Variants in CDC25C observed in about 807,000 individuals in gnomAD.
CDC25C encodes the protein M-phase inducer phosphatase 3.
Under a neutral mutation model 52.5 loss-of-function variants are expected in CDC25C, and 48 were observed. That is an observed-to-expected ratio of 0.91 (90% CI 0.72 to 1.16). The LOEUF is 1.16. Among genes scored for constraint, CDC25C ranks in the 50% most tolerant of loss-of-function variants. The pLI is 0.00. For synonymous variants in CDC25C, 187 were observed against 206.5 expected, an observed-to-expected ratio of 0.91 and a Z score of 0.81; for missense variants, 510 against 566.1, an observed-to-expected ratio of 0.90 and a Z score of 1.01.
At chr5:138,312,993 C>A (rs1419006539) in intron 7 of CDC25C, among the ~76,000 whole-genome samples, 1 of 150,846 alleles carries the variant, frequency 6.6e-6, no homozygotes, top group Non-Finnish European at 1.5e-5. Flanking sequence ...GTACCTAGAG[C>A]AAACTCATAG....
At chr5:138,317,694 A>AC (rs1368404169) in intron 7 of CDC25C, among the ~76,000 whole-genome samples, 12 of 150,482 alleles carry the variant, frequency 8.0e-5, no homozygotes, top group Non-Finnish European at 1.8e-4. Context: ...AAAAAAAAAA[A>AC]AAAAAAAAAA....
At chr5:138,326,457 T>C (rs1171914079) in intron 4 of CDC25C, among the ~76,000 whole-genome samples, 1 of 151,976 alleles carries the variant, frequency 6.6e-6, no homozygotes, top group Non-Finnish European at 1.5e-5. Context: ...TTCTCCTGCC[T>C]CAGCCTCCTG....
At chr5:138,304,414 G>A (rs2126723403) in intron 7 of CDC25C, among the ~76,000 whole-genome samples, 1 of 133,718 alleles carries the variant, frequency 7.5e-6, no homozygotes, top group South Asian at 2.3e-4. Flanking sequence ...CCATTTCTCT[G>A]TCTCCATAGT....
chr5:138,306,464 C>T (rs543876592), intron 7 of CDC25C, among the ~76,000 whole-genome samples: 8 of 151,700 alleles, frequency 5.3e-5, no homozygotes, highest in Admixed American at 1.3e-4. Flanking sequence ...TATTTATTTC[C>T]GTTTATTATT....
At position 138,337,835 on chromosome 5, in the gene CDC25C, G is replaced by A. The variant is rs1176845025; in HGVS notation, c.13+121C>T. On this transcript the variant is annotated intron_variant, in intron 1 of 5. Transcript: ENST00000510119. ...TTCCTTCGAAGAGGTGGTCGTGGAG[G>A]GCGGGGCAGCAGAGCAGGTGAGGGG... 7 of 556,752 alleles carry A rather than the reference G, an allele frequency of 1.3e-5. No individual in the cohort carries two copies. The Admixed American group carries it at 2.4e-4, about 19-fold the overall frequency. 34.5% of individuals were successfully genotyped at this position (556,752 alleles called of 1,614,324 possible). A position where few individuals can be genotyped will look rare whatever the true frequency, so the allele number is the denominator to read the frequency against.
chr5:138,308,463 A>G (rs1248564307), intron 7 of CDC25C, among the ~76,000 whole-genome samples: 1 of 152,238 alleles, frequency 6.6e-6, no homozygotes, highest in Non-Finnish European at 1.5e-5. Context: ...TAATTACAAC[A>G]TTCTGCAAAT....
chr5:138,287,092 C>T lies in CDC25C; in HGVS notation c.1026+77G>A. 4 of 946,448 alleles carry T rather than the reference C, an allele frequency of 4.2e-6. No individual in the cohort carries two copies. In the South Asian group the frequency reaches 4.2e-5, roughly 10 times the overall value. The allele number at this position is 946,448 out of a possible 1,614,324, so 58.6% of individuals were successfully genotyped here. A position where few individuals can be genotyped will look rare whatever the true frequency, so the allele number is the denominator to read the frequency against. ...TTGTCCTGACTCTAGAGTTCATAGA[C>T]CCCTTTGTCCACAGACTCTTCTCAA... On this transcript the variant is annotated intron_variant, in intron 11 of 13. Coordinates refer to ENST00000323760, the MANE Select transcript of CDC25C (RefSeq NM_001790.5).
At chr5:138,336,258 G>A (rs1353856165), upstream of CDC25C, among the ~76,000 whole-genome samples, 6 of 151,602 alleles carry the variant, frequency 4.0e-5, no homozygotes, top group African/African-American at 1.5e-4. Flanking sequence ...TCAGCCTCCC[G>A]AGTAGCTGGG....
chr5:138,316,722 G>T (rs1161922796), intron 7 of CDC25C, among the ~76,000 whole-genome samples: 1 of 152,120 alleles, frequency 6.6e-6, no homozygotes, highest in African/African-American at 2.4e-5. Context: ...GAGGAGCTAT[G>T]CTGTCTGCTG....
At chr5:138,320,943 A>C (rs1371951114) in intron 6 of CDC25C, among the ~76,000 whole-genome samples, 1 of 149,364 alleles carries the variant, frequency 6.7e-6, no homozygotes, top group Non-Finnish European at 1.5e-5. Context: ...AAAAAAAAAA[A>C]AAGTAGCCAG....
intron 6 of CDC25C, 69 bp from the exon 7 acceptor site, chr5:138,319,443 A>G (rs1443054529): frequency 8.5e-7 from 1 of 1,176,736 alleles, no homozygotes; most frequent in Non-Finnish European, 1.2e-6. Context: ...AAGAGCTAAA[A>G]CTATAAAACT....
intron 6 of CDC25C, among the ~76,000 whole-genome samples, chr5:138,323,199 G>A (rs906622803): frequency 6.6e-6 from 1 of 152,100 alleles, no homozygotes; most frequent in African/African-American, 2.4e-5. Flanking sequence ...CCAAAGCGGT[G>A]GGATTACAGG....
chr5:138,314,586 G>T (rs1297256232), intron 7 of CDC25C, among the ~76,000 whole-genome samples: 1 of 145,918 alleles, frequency 6.9e-6, no homozygotes, highest in Non-Finnish European at 1.5e-5. Flanking sequence ...GTGAGTCACC[G>T]CTCCCAGCCT....
At chr5:138,328,004 T>A (rs1211516810) in intron 4 of CDC25C, among the ~76,000 whole-genome samples, 6 of 152,212 alleles carry the variant, frequency 3.9e-5, no homozygotes, top group Admixed American at 1.3e-4. Flanking sequence ...GTAGCTGCGA[T>A]TACAGGCATG....
At chr5:138,286,383 C>T (rs1464568519) in intron 12 of CDC25C, 114 bp downstream of exon 12, 8 of 1,194,046 alleles carry the variant, frequency 6.7e-6, no homozygotes, top group Non-Finnish European at 8.3e-6. Flanking sequence ...CTTCCTTCAA[C>T]CTCCCTAACA....
chr5:138,302,025 C>T (rs1222486448), intron 7 of CDC25C, among the ~76,000 whole-genome samples: 2 of 145,570 alleles, frequency 1.4e-5, no homozygotes, highest in Non-Finnish European at 3.0e-5. Context: ...GACAGAGTCT[C>T]GCTCTGTCTC....
chr5:138,316,635 C>T (rs899830712), intron 7 of CDC25C, among the ~76,000 whole-genome samples: 1 of 152,152 alleles, frequency 6.6e-6, no homozygotes, highest in Non-Finnish European at 1.5e-5. Flanking sequence ...TTTCTCCCCT[C>T]TGAGGTCCAT....
At chr5:138,294,713 C>A (rs1181335710) in intron 7 of CDC25C, among the ~76,000 whole-genome samples, 1 of 151,958 alleles carries the variant, frequency 6.6e-6, no homozygotes, top group Non-Finnish European at 1.5e-5. Context: ...ACCATCTTAG[C>A]CAGGATGGTC....
At chr5:138,337,078 CCAAT>C (rs1760752539) in intron 1 of CDC25C, 1 of 152,126 alleles carries the variant, frequency 6.6e-6, no homozygotes, top group African/African-American at 2.4e-5. Context: ...CTGCTACTTT[CCAAT>C]CAATTAAAAA....
Sources: gnomAD v4.1 joint callset for allele counts (sites outside exome capture counted in the v4.1 genomes callset) on GRCh38, gnomAD v4.1.1 for gene constraint, MANE v1.5 for transcripts, NCBI Gene and HGNC (gene_info 2026-07-23, HGNC 2026-07-21) for gene names.